RGS7: variants seen among roughly 807,000 people sequenced by gnomAD.
RGS7 encodes the protein regulator of G-protein signaling 7.
Under a neutral mutation model 81.1 loss-of-function variants are expected in RGS7, and 27 were observed. The ratio of observed to expected loss-of-function variants is 0.33; its 90% confidence interval spans 0.25 to 0.46. The LOEUF (loss-of-function observed/expected upper bound fraction) is 0.46, where lower values mean the gene tolerates loss of function less well. Ranked by LOEUF, RGS7 falls within the 20% of genes least tolerant of loss-of-function variation. RGS7 has a pLI of 1.00. For synonymous variants in RGS7, 208 were observed against 207.7 expected (o/e 1.00, Z -0.01); for missense variants, 396 against 607.4 (o/e 0.65, Z 3.66).
Position 240,912,273 on chromosome 1 carries a change from T to C in RGS7, c.385+18444A>G, listed in dbSNP as rs114451158. ...ATTTCTGATATGCTATTATTTAAAATGTAGTTGGACAAGCAGGAGTAACAT... is the reference window on the plus strand; with the variant it reads ...ATTTCTGATATGCTATTATTTAAAACGTAGTTGGACAAGCAGGAGTAACAT... On this transcript the variant is annotated intron_variant, in intron 6 of 18. Transcript: ENST00000440928. Among the ~76,000 whole-genome samples the C allele has an allele frequency of 3.8e-3, 578 of 151,188 alleles. 6 individuals are homozygous for C. Among genetic ancestry groups the C allele is most frequent in the African/African-American group, 0.014 (565 of 41,142 alleles).
intron 2 of RGS7, among the ~76,000 whole-genome samples, chr1:241,149,513 C>T (rs996976483): frequency 2.6e-5 from 4 of 152,254 alleles, no homozygotes; most frequent in East Asian, 1.9e-4. Context: ...GCCACTCCCC[C>T]TCCCCTGTCC....
chr1:241,350,238 A>G (rs2148735688), intron 2 of RGS7, among the ~76,000 whole-genome samples: 1 of 152,346 alleles, frequency 6.6e-6, no homozygotes, highest in African/African-American at 2.4e-5. Context: ...CATCATGGAA[A>G]TATCAATGAT....
At chr1:240,885,339 T>G (rs931495172) in intron 6 of RGS7, among the ~76,000 whole-genome samples, 1 of 152,130 alleles carries the variant, frequency 6.6e-6, no homozygotes, top group Non-Finnish European at 1.5e-5. Flanking sequence ...GAAAGCAGTA[T>G]GGCAACTTCT....
chr1:240,827,168 C>G lies in RGS7; in HGVS notation c.614G>C (p.Gly205Ala). The G allele has an allele frequency of 6.2e-7, 1 of 1,612,400 alleles. No individual in the cohort carries two copies. The highest frequency in any genetic ancestry group is 8.5e-7 in the Non-Finnish European group (1 of 1,178,488). Residue 205 changes from glycine to alanine, a missense_variant, in exon 10 of 19, where the codon GGA (glycine) becomes GCA (alanine). Transcript: ENST00000440928. ...GTCCACTTCAGTTGTATTTACACAT[C>G]CAGGCTGGGAATGGAAAAACAGAGA... The part of the protein sequence containing the change: ...AFWDVHRPVP[G>A]CVNTTEVDIK...
intron 9 of RGS7, among the ~76,000 whole-genome samples, chr1:240,835,560 G>A (rs1186938935): frequency 6.6e-6 from 1 of 152,134 alleles, no homozygotes; most frequent in Non-Finnish European, 1.5e-5. Context: ...CTAACCATTC[G>A]ATCCAGCAAT....
At chr1:241,279,198 G>A (rs540345013) in intron 2 of RGS7, among the ~76,000 whole-genome samples, 19 of 151,844 alleles carry the variant, frequency 1.3e-4, no homozygotes, top group South Asian at 8.3e-4. Flanking sequence ...TGGAGAACAC[G>A]GAAAAGAATT....
At chr1:241,106,728 A>C (rs1323331113) in intron 2 of RGS7, among the ~76,000 whole-genome samples, 7 of 121,474 alleles carry the variant, frequency 5.8e-5, no homozygotes, top group African/African-American at 7.3e-5. Flanking sequence ...AAAAAAAAAA[A>C]AAAAAAAAAA....
chr1:241,256,996 A>G (rs1260112933), intron 2 of RGS7, among the ~76,000 whole-genome samples: 4 of 151,724 alleles, frequency 2.6e-5, no homozygotes, highest in Non-Finnish European at 5.9e-5. Flanking sequence ...TTGTATATAT[A>G]TGTGTATATA....
intron 2 of RGS7, among the ~76,000 whole-genome samples, chr1:241,210,184 C>T (rs1418105548): frequency 6.6e-6 from 1 of 152,088 alleles, no homozygotes; most frequent in Non-Finnish European, 1.5e-5. Flanking sequence ...GAGTCTCGCC[C>T]TGTTGCCCAG....
intron 2 of RGS7, among the ~76,000 whole-genome samples, chr1:241,322,148 C>T (rs548359841): frequency 9.8e-5 from 15 of 152,314 alleles, no homozygotes; most frequent in East Asian, 1.9e-4. Flanking sequence ...CTGTCCTCTA[C>T]GTTCTCACTC....
chr1:240,982,400 C>A lies in RGS7; in HGVS notation c.226+679G>T, dbSNP rs544226859. ...TTGCACCACTGCACTCCAGCCTGGGCAACAAGAGTGAAACTCTGCCTCAAA... is the reference window on the plus strand; with the variant it reads ...TTGCACCACTGCACTCCAGCCTGGGAAACAAGAGTGAAACTCTGCCTCAAA... On this transcript the variant is annotated intron_variant, in intron 4 of 18. Transcript: ENST00000440928. Among the ~76,000 whole-genome samples, 48 of 100,898 alleles carry A rather than the reference C, an allele frequency of 4.8e-4. No homozygotes were observed. The South Asian group carries it at 0.015, about 32-fold the overall frequency. The allele number at this position is 100,898 out of a possible 152,430, so 66.2% of individuals were successfully genotyped here.
chr1:240,988,720 A>G (rs1218785112), intron 3 of RGS7, among the ~76,000 whole-genome samples: 1 of 152,204 alleles, frequency 6.6e-6, no homozygotes, highest in African/African-American at 2.4e-5. Flanking sequence ...GCTACAGACT[A>G]TGTTCTCTAA....
At chr1:240,998,761 G>A in intron 3 of RGS7, 1 of 738,438 alleles carries the variant, frequency 1.4e-6, no homozygotes, top group Non-Finnish European at 2.4e-6. Context: ...ATGAGGGCCA[G>A]GTAGATGCAG....
chr1:241,225,378 A>G (rs1318189640), intron 2 of RGS7, among the ~76,000 whole-genome samples: 1 of 152,226 alleles, frequency 6.6e-6, no homozygotes, highest in East Asian at 1.9e-4. Context: ...TTTAGGTATA[A>G]TATACCTGAC....
At chr1:241,325,075 T>A (rs2081414965) in intron 2 of RGS7, among the ~76,000 whole-genome samples, 1 of 152,244 alleles carries the variant, frequency 6.6e-6, no homozygotes, top group African/African-American at 2.4e-5. Context: ...TTTGAAACTA[T>A]TCCATAGGAT....
At chr1:241,165,659 T>C (rs1282300433) in intron 2 of RGS7, among the ~76,000 whole-genome samples, 7 of 149,726 alleles carry the variant, frequency 4.7e-5, no homozygotes, top group Non-Finnish European at 8.9e-5. Flanking sequence ...AGGGATAGCA[T>C]TGGGAGATAT....
At chr1:241,058,875 T>C (rs1161755808) in intron 3 of RGS7, among the ~76,000 whole-genome samples, 1 of 152,222 alleles carries the variant, frequency 6.6e-6, no homozygotes, top group Non-Finnish European at 1.5e-5. Context: ...AATACTCTTC[T>C]TGAAGGAGTT....
intron 15 of RGS7, among the ~76,000 whole-genome samples, chr1:240,805,356 A>G (rs1688676788): frequency 6.6e-6 from 1 of 151,198 alleles, no homozygotes; most frequent in Non-Finnish European, 1.5e-5. Flanking sequence ...TGTAGGTAAC[A>G]GAGAGAGAAC....
At chr1:241,230,563 G>A (rs1415211653) in intron 2 of RGS7, among the ~76,000 whole-genome samples, 1 of 152,182 alleles carries the variant, frequency 6.6e-6, no homozygotes, top group African/African-American at 2.4e-5. Flanking sequence ...TATGCCATGG[G>A]GCCCATCAAC....
Sources: gnomAD v4.1 joint callset for allele counts (sites outside exome capture counted in the v4.1 genomes callset) on GRCh38, gnomAD v4.1.1 for gene constraint, MANE v1.5 for transcripts, NCBI Gene and HGNC (gene_info 2026-07-23, HGNC 2026-07-21) for gene names.